Variants in ACSM1 observed in about 807,000 individuals in gnomAD.
The protein encoded by ACSM1 is acyl-CoA synthetase medium chain family member 1.
Under a neutral mutation model 75.8 loss-of-function variants are expected in ACSM1, and 79 were observed. That is an observed-to-expected ratio of 1.04 (90% CI 0.87 to 1.26). The LOEUF (loss-of-function observed/expected upper bound fraction) is 1.26. Ranked by LOEUF, ACSM1 falls within the 50% of genes most tolerant of loss-of-function variation. ACSM1 has a pLI of 0.00. For missense variants in ACSM1, 676 were observed against 720.1 expected, an observed-to-expected ratio of 0.94 and a Z score of 0.70; for synonymous variants, 279 against 265.8, an observed-to-expected ratio of 1.05 and a Z score of -0.48.
intron 11 of ACSM1, 119 bp from the exon 12 acceptor site, chr16:20,625,641 G>A (rs2152179921): frequency 2.3e-6 from 2 of 858,326 alleles, no homozygotes; most frequent in Non-Finnish European, 3.6e-6. Flanking sequence ...AGGAAGCCAG[G>A]GACCCCTGAC....
chr16:20,691,281 C>T, intron 1 of ACSM1, 42 bp from the exon 2 acceptor site: 3 of 1,098,170 alleles, frequency 2.7e-6, no homozygotes, highest in Non-Finnish European at 3.8e-6. Context: ...GTATCCAAAA[C>T]TTTCTCCCTA....
At chr16:20,696,386 A>G (rs1235416619) in intron 1 of ACSM1, among the ~76,000 whole-genome samples, 1 of 152,208 alleles carries the variant, frequency 6.6e-6, no homozygotes, top group Non-Finnish European at 1.5e-5. Flanking sequence ...ACCGTGCTGG[A>G]CATAGTAAGT....
At chr16:20,623,685 T>G (rs1219988179) in intron 13 of ACSM1, 113 bp from the exon 14 acceptor site, 1 of 1,098,528 alleles carries the variant, frequency 9.1e-7, no homozygotes, top group Non-Finnish European at 1.3e-6. Flanking sequence ...TGACACCATA[T>G]GGTGGCCTTA....
chr16:20,640,354 G>T, intron 8 of ACSM1, 107 bp downstream of exon 8: 2 of 1,304,676 alleles, frequency 1.5e-6, no homozygotes, highest in Non-Finnish European at 2.1e-6. Context: ...TCATCTTTGG[G>T]GAAAGGCACA....
intron 4 of ACSM1, among the ~76,000 whole-genome samples, chr16:20,672,471 A>AAAAAAAAAAT (rs1555473775): frequency 2.6e-4 from 17 of 64,570 alleles, no homozygotes; most frequent in South Asian, 5.7e-4. Flanking sequence ...AAAAAAAAAA[A>AAAAAAAAAAT]ATATATATAT....
At chr16:20,676,876 A>T (rs545015221) in intron 4 of ACSM1, among the ~76,000 whole-genome samples, 1 of 152,284 alleles carries the variant, frequency 6.6e-6, no homozygotes, top group South Asian at 2.1e-4. Flanking sequence ...TATAAAAAAA[A>T]ACCCTCCAGC....
intron 7 of ACSM1, 59 bp from the exon 8 acceptor site, chr16:20,640,643 G>T: frequency 6.2e-7 from 1 of 1,610,216 alleles, no homozygotes; most frequent in Non-Finnish European, 8.5e-7. Context: ...TGCATTCAGA[G>T]CTCTTAAGTC....
intron 6 of ACSM1, among the ~76,000 whole-genome samples, chr16:20,668,648 G>A (rs17688192): frequency 0.17 from 26,415 of 152,112 alleles, 3,055 homozygotes; most frequent in Non-Finnish European, 0.26. Context: ...CACCTGCATT[G>A]ATGTGCTTGC....
At chr16:20,671,855 A>T (rs1596906717) in intron 4 of ACSM1, among the ~76,000 whole-genome samples, 184 bp from the exon 5 acceptor site, 1 of 152,168 alleles carries the variant, frequency 6.6e-6, no homozygotes, top group Non-Finnish European at 1.5e-5. Flanking sequence ...GTGGACCAGC[A>T]TTTTTTTATT....
At chr16:20,688,694 G>A (rs11643793) in intron 2 of ACSM1, among the ~76,000 whole-genome samples, 18,158 of 151,894 alleles carry the variant, frequency 0.12, 1,232 homozygotes, top group East Asian at 0.21. Context: ...AAGTAAAGGG[G>A]AAATTAGGGT....
At chr16:20,653,853 C>T (rs2152242487) in intron 7 of ACSM1, among the ~76,000 whole-genome samples, 1 of 152,238 alleles carries the variant, frequency 6.6e-6, no homozygotes, top group South Asian at 2.1e-4. Context: ...AGATTCAATG[C>T]CATCCCCATC....
chr16:20,674,409 C>T (rs1203700973), intron 4 of ACSM1: 1 of 197,188 alleles, frequency 5.1e-6, no homozygotes, highest in African/African-American at 2.4e-5. Context: ...TTGTTTCTCA[C>T]TTCTGTAATA....
Position 20,624,103 on chromosome 16 carries a change from G to A in ACSM1, c.1640C>T (p.Pro547Leu), listed in dbSNP as rs1424656297. ...VKSVTAPYKY[P>L]RKVEFVSELP... The stretch of plus-strand genomic sequence containing the variant: ...CCATCTGCCCTCACTCACCTTCCTT[G>A]GGTACTTGTATGGGGCTGTCACTGA... Residue 547 changes from proline (P) to leucine (L), a missense_variant, in exon 13 of 14, where the codon CCA becomes CTA. Pro to Leu is a moderately conservative substitution (Grantham distance 98). Coordinates refer to ENST00000520010, the MANE Select transcript of ACSM1 (RefSeq NM_001318890.3). 1 of 1,612,220 alleles carries A rather than the reference G, an allele frequency of 6.2e-7. No homozygotes were observed. The highest frequency in any genetic ancestry group is 1.1e-5 in the South Asian group (1 of 91,052).
intron 2 of ACSM1, among the ~76,000 whole-genome samples, chr16:20,690,484 G>T (rs1254839654): frequency 6.6e-6 from 1 of 152,166 alleles, no homozygotes; most frequent in Non-Finnish European, 1.5e-5. Context: ...TGACAAGGAG[G>T]AATCTAATTA....
At chr16:20,627,544 A>C (rs1326480981) in intron 10 of ACSM1, among the ~76,000 whole-genome samples, 1 of 152,074 alleles carries the variant, frequency 6.6e-6, no homozygotes, top group East Asian at 1.9e-4. Flanking sequence ...TAAAAATATC[A>C]ATTCTGCCAC....
intron 6 of ACSM1, among the ~76,000 whole-genome samples, chr16:20,666,250 G>T (rs1380703604): frequency 1.3e-5 from 2 of 152,014 alleles, no homozygotes; most frequent in African/African-American, 4.8e-5. Flanking sequence ...TCTACCAAAG[G>T]GTTCCTGGAA....
chr16:20,630,121 GTT>G (rs200287528), intron 10 of ACSM1, among the ~76,000 whole-genome samples: 13 of 140,368 alleles, frequency 9.3e-5, no homozygotes, highest in Admixed American at 7.2e-5. Flanking sequence ...GAAAAAACTT[GTT>G]TTTTTTTTTT....
chr16:20,655,405 A>G (rs2018903909), intron 7 of ACSM1, among the ~76,000 whole-genome samples: 1 of 151,616 alleles, frequency 6.6e-6, no homozygotes, highest in Admixed American at 6.6e-5. Context: ...AATAAAAAAT[A>G]AAATAAAATA....
chr16:20,631,266 T>G (rs2017325170), intron 10 of ACSM1, among the ~76,000 whole-genome samples: 1 of 152,192 alleles, frequency 6.6e-6, no homozygotes, highest in Non-Finnish European at 1.5e-5. Flanking sequence ...TGGAGTTGCT[T>G]TTTAAAGGGC....
Sources: gnomAD v4.1 joint callset for allele counts (sites outside exome capture counted in the v4.1 genomes callset) on GRCh38, gnomAD v4.1.1 for gene constraint, MANE v1.5 for transcripts, NCBI Gene and HGNC (gene_info 2026-07-23, HGNC 2026-07-21) for gene names.